Variants in NECAB3 observed in about 807,000 individuals in gnomAD.
The protein encoded by NECAB3 is N-terminal EF-hand calcium binding protein 3.
In NECAB3, 38 loss-of-function variants were observed where a neutral mutation model predicts 57.2. That is an observed-to-expected ratio of 0.66 (90% CI 0.51 to 0.87). The LOEUF is 0.87. NECAB3 is among the 40% of genes least tolerant of loss of function. The probability of loss-of-function intolerance (pLI) is 0.00; values close to 1 mark genes in which losing one functional copy is unlikely to be tolerated. For synonymous variants in NECAB3, 223 were observed against 222.6 expected (o/e 1.00, Z -0.02); for missense variants, 474 against 527.5 (o/e 0.90, Z 0.99).
intron 1 of NECAB3, among the ~76,000 whole-genome samples, chr20:33,673,988 A>AT (rs1324061133): frequency 2.7e-5 from 4 of 148,492 alleles, no homozygotes; most frequent in African/African-American, 9.8e-5. Context: ...AGACACACAA[A>AT]TGGGGTGGGC....
At chr20:33,659,436 C>T in intron 8 of NECAB3, 61 bp downstream of exon 8, 2 of 1,367,496 alleles carry the variant, frequency 1.5e-6, no homozygotes, top group South Asian at 1.6e-5. Flanking sequence ...CCCATGAATC[C>T]CCAATTCATG....
At chr20:33,668,047 G>C in intron 5 of NECAB3, 2 of 1,557,076 alleles carry the variant, frequency 1.3e-6, no homozygotes, top group Non-Finnish European at 1.7e-6. Flanking sequence ...CAAGGAGCTG[G>C]AGGCGCAGTG....
chr20:33,657,739 G>T lies in NECAB3; in HGVS notation c.*90C>A. 7.3e-7 allele frequency: 1 copy of T among 1,363,908 alleles called. No homozygotes were observed. The highest frequency in any genetic ancestry group is 9.8e-7 in the Non-Finnish European group (1 of 1,019,972). 84.5% of individuals were successfully genotyped at this position (1,363,908 alleles called of 1,614,324 possible). On this transcript the variant is annotated 3_prime_UTR_variant, in exon 12 of 12. Coordinates refer to ENST00000246190, the MANE Select transcript of NECAB3 (RefSeq NM_031232.4). ...CAGGCCCAAGTCCAGGAGGAGACAAGTCCTGGTCTTTGCGCTGGGCTGGCC... is the reference window on the plus strand; with the variant it reads ...CAGGCCCAAGTCCAGGAGGAGACAATTCCTGGTCTTTGCGCTGGGCTGGCC...
At chr20:33,670,646 T>C in intron 3 of NECAB3, 38 bp downstream of exon 3, 3 of 1,464,212 alleles carry the variant, frequency 2.0e-6, no homozygotes, top group Non-Finnish European at 2.8e-6. Flanking sequence ...AAAGACAACC[T>C]GGCCTCGCAT....
At position 33,659,969 on chromosome 20, in the gene NECAB3, G is replaced by A; in HGVS notation, c.559C>T (p.Leu187Phe). 2 of 1,564,242 alleles carry A rather than the reference G, an allele frequency of 1.3e-6. No homozygotes were observed. The highest frequency in any genetic ancestry group is 1.7e-6 in the Non-Finnish European group (2 of 1,157,230). The change falls in exon 7 of 12, where the codon CTC becomes TTC. Residue 187 changes from leucine (L) to phenylalanine (F), a missense_variant. Transcript: ENST00000246190. ...DAESVEAQSR[L>F]CGSRRAGRRA... Reference sequence around the variant, plus strand: ...CGTCCTGCCCGCCGGCTGCCGCAGAGCCTGCTCTGCGCCTCCACGCTCTCT... The same window carrying A: ...CGTCCTGCCCGCCGGCTGCCGCAGAACCTGCTCTGCGCCTCCACGCTCTCT...
chr20:33,665,376 A>T (rs1370157149), intron 5 of NECAB3: 3 of 152,178 alleles, frequency 2.0e-5, no homozygotes, highest in Admixed American at 2.0e-4. Context: ...TCGGGAGACT[A>T]AGGCAGGGGA....
At chr20:33,663,820 G>A in intron 5 of NECAB3, 3 of 1,357,454 alleles carry the variant, frequency 2.2e-6, no homozygotes, top group African/African-American at 1.6e-5. Flanking sequence ...CGGCCCCGCC[G>A]AGGAGCAGCC....
intron 5 of NECAB3, chr20:33,667,297 C>T (rs2017686986): frequency 3.3e-6 from 2 of 610,882 alleles, no homozygotes; most frequent in Non-Finnish European, 4.8e-6. Flanking sequence ...CGGCGTGGCG[C>T]GGGCGCACCC....
intron 5 of NECAB3, chr20:33,668,155 C>CA (rs2017739337): frequency 3.1e-6 from 5 of 1,612,712 alleles, no homozygotes; most frequent in Non-Finnish European, 4.2e-6. Flanking sequence ...GGCCTCCCTG[C>CA]ACTCCTTCCA....
chr20:33,674,543 G>C, upstream of NECAB3: 1 of 433,472 alleles, frequency 2.3e-6, no homozygotes, highest in South Asian at 9.7e-5. Context: ...GGGCCTCCGC[G>C]CTTCCGCGGC....
intron 5 of NECAB3, chr20:33,662,487 G>A: frequency 1.3e-6 from 2 of 1,550,928 alleles, no homozygotes; most frequent in Non-Finnish European, 1.7e-6. Flanking sequence ...GGCGGGGGAT[G>A]GGGAGCAGGG....
intron 4 of NECAB3, 76 bp downstream of exon 4, chr20:33,669,611 C>T: frequency 6.5e-7 from 1 of 1,543,548 alleles, no homozygotes; most frequent in Non-Finnish European, 8.8e-7. Context: ...ATCAGGAGAC[C>T]AGCAACAGTC....
At position 33,657,954 on chromosome 20, in the gene NECAB3, C is replaced by T; in HGVS notation, c.1150G>A (p.Val384Met). The change falls in exon 11 of 12, where the codon GTG becomes ATG. Residue 384 changes from valine to methionine, a missense_variant. Val to Met is a conservative substitution (Grantham distance 21). Transcript: ENST00000246190. ...GTCCACCGCATACCTGGGAAGAACACAGTGGTGAGGGTGTCCGGGGCCCGC... is the reference window on the plus strand; with the variant it reads ...GTCCACCGCATACCTGGGAAGAACATAGTGGTGAGGGTGTCCGGGGCCCGC... ...HLRAPDTLTT[V>M]FFPASWWIMN... 2 of 1,557,378 alleles carry T rather than the reference C, an allele frequency of 1.3e-6. No individual in the cohort carries two copies. Among genetic ancestry groups the T allele is most frequent in the South Asian group, 2.4e-5 (2 of 84,362 alleles).
intron 5 of NECAB3, among the ~76,000 whole-genome samples, chr20:33,668,710 T>G (rs2017757431): frequency 6.6e-6 from 1 of 152,260 alleles, no homozygotes. Flanking sequence ...TTTCCCCTTC[T>G]GTAAAAAGTG....
intron 5 of NECAB3, chr20:33,663,776 G>C: frequency 7.0e-7 from 1 of 1,434,312 alleles, no homozygotes; most frequent in South Asian, 1.4e-5. Context: ...CTGCTCTCGC[G>C]CTTCCGGTCC....
At chr20:33,672,522 T>C in intron 1 of NECAB3, 100 bp from the exon 2 acceptor site, 1 of 1,426,666 alleles carries the variant, frequency 7.0e-7, no homozygotes, top group Non-Finnish European at 9.9e-7. Context: ...ACCTACCCCC[T>C]GCCTCGCCTT....
At chr20:33,664,165 C>T in intron 5 of NECAB3, 1 of 377,964 alleles carries the variant, frequency 2.6e-6, no homozygotes. Context: ...GCCCAGTCTG[C>T]AGGCTCAAGG....
At chr20:33,667,375 G>GGCCTGCGGGTGTGCCCAGAGCAGTGGCCC in intron 5 of NECAB3, 2 of 1,239,098 alleles carry the variant, frequency 1.6e-6, no homozygotes, top group African/African-American at 3.2e-5. Flanking sequence ...GCTGGTGGGC[G>GGCCTGCGGGTGTGCCCAGAGCAGTGGCCC]GCCTGCGGGT....
In NECAB3 at chr20:33,659,708, T is replaced by C. The variant is rs376329519; in HGVS notation, c.668A>G (p.Gln223Arg). 6.2e-7 allele frequency: 1 copy of C among 1,605,894 alleles called. No homozygotes were observed. ...GAGGCGGTTCACCTGGAGCCGCCAC[T>C]GCATCTCGGCCTCTGAGCTGCGCCC... ...DTGRSSEAEM[Q>R]WRLQVNRLQE... Residue 223 changes from glutamine to arginine, a missense_variant, in exon 8 of 12, where the codon CAG (glutamine) becomes CGG (arginine). Coordinates refer to ENST00000246190, the MANE Select transcript of NECAB3 (RefSeq NM_031232.4).
Sources: allele counts gnomAD v4.1 joint callset (sites outside exome capture counted in the v4.1 genomes callset), GRCh38; gene constraint gnomAD v4.1.1; transcripts MANE v1.5; gene names NCBI Gene and HGNC (gene_info 2026-07-23, HGNC 2026-07-21).